PCDHA13: variants seen among roughly 807,000 people sequenced by gnomAD.
The protein encoded by PCDHA13 is protocadherin alpha 13.
In PCDHA13, 54 loss-of-function variants were observed where a neutral mutation model predicts 64.8. That is an observed-to-expected ratio of 0.83 (90% CI 0.67 to 1.04). The LOEUF (loss-of-function observed/expected upper bound fraction) is 1.04. Ranked by LOEUF, PCDHA13 falls within the 50% of genes least tolerant of loss-of-function variation. The pLI, the probability that PCDHA13 is intolerant of heterozygous loss-of-function variation, is 0.00. For synonymous variants in PCDHA13, 587 were observed against 564.4 expected (o/e 1.04, Z -0.57); for missense variants, 1,248 against 1,254.3 (o/e 0.99, Z 0.08).
chr5:140,928,148 A>G (rs1228039818), intron 1 of PCDHA13: 1 of 1,614,054 alleles, frequency 6.2e-7, no homozygotes, highest in African/African-American at 1.3e-5. Context: ...ACGGCCTCAG[A>G]TAGTGGCTCA....
chr5:141,008,284 GC>G (rs2098367825), intron 3 of PCDHA13, among the ~76,000 whole-genome samples: 1 of 152,150 alleles, frequency 6.6e-6, no homozygotes, highest in Admixed American at 6.5e-5. Context: ...AATTGAAATA[GC>G]AGTTGTACCC....
chr5:140,882,189 T>C lies in PCDHA13; in HGVS notation c.-80T>C. ...CGAATCCTTCCGCACTAGGAAGCCATAAAAATTGGGCCTTGAGAGACAGTT... is the reference window on the plus strand; with the variant it reads ...CGAATCCTTCCGCACTAGGAAGCCACAAAAATTGGGCCTTGAGAGACAGTT... On this transcript the variant is annotated 5_prime_UTR_variant, in exon 1 of 4. Transcript: ENST00000289272. 1.3e-6 allele frequency: 2 copies of C among 1,519,304 alleles called. No individual in the cohort carries two copies. The highest frequency in any genetic ancestry group is 2.2e-5 in the Admixed American group (1 of 45,204). 94.1% of individuals were successfully genotyped at this position (1,519,304 alleles called of 1,614,324 possible).
chr5:140,884,479 C>T lies in PCDHA13; in HGVS notation c.2211C>T (p.Pro737=). The T allele has an allele frequency of 6.2e-7, 1 of 1,613,914 alleles. No individual in the cohort carries two copies. Among genetic ancestry groups the T allele is most frequent in the Non-Finnish European group, 8.5e-7 (1 of 1,179,906 alleles). Residue 737 remains proline (P), a synonymous_variant, in exon 1 of 4, where the codon CCC becomes CCT. Transcript: ENST00000289272. ...PTEGACAPGK[P]TLVCSSAAGS... ...AGGGCGCGTGCGCGCCGGGCAAGCC[C>T]ACTCTAGTGTGCTCCAGCGCGGCAG... is the stretch of plus-strand genomic sequence containing the variant.
At chr5:140,889,169 G>A (rs2062128594) in intron 1 of PCDHA13, among the ~76,000 whole-genome samples, 1 of 151,182 alleles carries the variant, frequency 6.6e-6, no homozygotes, top group African/African-American at 2.4e-5. Flanking sequence ...AAGTATTCAA[G>A]TTATAAATAA....
intron 3 of PCDHA13, among the ~76,000 whole-genome samples, chr5:141,007,375 A>G (rs2098319986): frequency 6.8e-6 from 1 of 146,418 alleles, no homozygotes; most frequent in Non-Finnish European, 1.5e-5. Context: ...ACATGATGGA[A>G]CACCATCTCT....
intron 3 of PCDHA13, among the ~76,000 whole-genome samples, chr5:141,006,406 G>T (rs553100919): frequency 6.6e-6 from 1 of 151,932 alleles, no homozygotes; most frequent in African/African-American, 2.4e-5. Flanking sequence ...GTAGAGACGC[G>T]GTTTCACTGT....
At chr5:140,905,360 T>C (rs2071771480) in intron 1 of PCDHA13, among the ~76,000 whole-genome samples, 2 of 152,238 alleles carry the variant, frequency 1.3e-5, no homozygotes, top group Non-Finnish European at 2.9e-5. Context: ...TTTGACTATA[T>C]TTCTGGTTCT....
chr5:140,884,397 T>C lies in PCDHA13; in HGVS notation c.2129T>C (p.Leu710Pro). 1 of 1,613,992 alleles carries C rather than the reference T, an allele frequency of 6.2e-7. No individual in the cohort carries two copies. The highest frequency in any genetic ancestry group is 1.1e-5 in the South Asian group (1 of 91,086). The change falls in exon 1 of 4, where the codon CTG becomes CCG. Residue 710 changes from leucine (L) to proline (P), a missense_variant. By Grantham distance (98) the Leu-to-Pro change is moderately conservative. Coordinates refer to ENST00000289272, the MANE Select transcript of PCDHA13 (RefSeq NM_018904.3). Reference sequence around the variant, plus strand: ...ATTGCCATCTGCGCGGTGTCCAGCCTGTTGGTGCTCACGTTGCTGCTGTAT... The same window carrying C: ...ATTGCCATCTGCGCGGTGTCCAGCCCGTTGGTGCTCACGTTGCTGCTGTAT... ...LIIAICAVSS[L>P]LVLTLLLYTA...
At chr5:140,892,350 T>C (rs1195187313) in intron 1 of PCDHA13, among the ~76,000 whole-genome samples, 1 of 152,262 alleles carries the variant, frequency 6.6e-6, no homozygotes, top group Non-Finnish European at 1.5e-5. Context: ...AATTGACTTT[T>C]GCCAGGCATC....
At chr5:140,963,517 T>C (rs2095769422) in intron 1 of PCDHA13, among the ~76,000 whole-genome samples, 1 of 152,238 alleles carries the variant, frequency 6.6e-6, no homozygotes, top group East Asian at 1.9e-4. Flanking sequence ...GGGGTTCTCA[T>C]AACAGAAGTC....
intron 1 of PCDHA13, among the ~76,000 whole-genome samples, chr5:140,947,710 A>G (rs2094165762): frequency 6.6e-6 from 1 of 151,556 alleles, no homozygotes; most frequent in African/African-American, 2.4e-5. Context: ...TTAAGTATTG[A>G]GGTTTCAAAA....
At chr5:140,987,938 C>G (rs2153869339) in intron 3 of PCDHA13, among the ~76,000 whole-genome samples, 1 of 152,208 alleles carries the variant, frequency 6.6e-6, no homozygotes, top group East Asian at 1.9e-4. Context: ...AGGATTCTTA[C>G]CTGTCTGACA....
At chr5:140,926,340 C>G (rs2083154977) in intron 1 of PCDHA13, 1 of 152,400 alleles carries the variant, frequency 6.6e-6, no homozygotes, top group Non-Finnish European at 1.5e-5. Flanking sequence ...GCGCCGGGAC[C>G]CGACGCGCGG....
chr5:141,010,089 G>T lies in PCDHA13; in HGVS notation c.*152G>T. On this transcript the variant is annotated 3_prime_UTR_variant, in exon 4 of 4. Coordinates refer to ENST00000289272, the MANE Select transcript of PCDHA13 (RefSeq NM_018904.3). The stretch of plus-strand genomic sequence containing the variant: ...AAAGTTCCCTGTGTCTGTCTAGAAC[G>T]CATTTAACAGGTTTTGTCGTAAAAG... 2 of 1,612,296 alleles carry T rather than the reference G, an allele frequency of 1.2e-6. No individual in the cohort carries two copies. Among genetic ancestry groups the T allele is most frequent in the East Asian group, 2.2e-5 (1 of 44,872 alleles).
intron 1 of PCDHA13, among the ~76,000 whole-genome samples, chr5:140,965,863 A>T (rs1275095146): frequency 6.6e-6 from 1 of 152,218 alleles, no homozygotes; most frequent in Non-Finnish European, 1.5e-5. Flanking sequence ...ACTGAAAATA[A>T]GGGCCACTTG....
chr5:140,892,952 AT>A (rs1327610333), intron 1 of PCDHA13, among the ~76,000 whole-genome samples: 1 of 152,154 alleles, frequency 6.6e-6, no homozygotes, highest in African/African-American at 2.4e-5. Context: ...TACTACTTCC[AT>A]GAGCTCAATA....
chr5:140,887,537 C>T (rs530539711), intron 1 of PCDHA13, among the ~76,000 whole-genome samples: 5 of 152,250 alleles, frequency 3.3e-5, no homozygotes, highest in Admixed American at 1.3e-4. Context: ...TTCCTCTCCC[C>T]ACCCCTCATG....
At chr5:141,006,368 C>A (rs1395158727) in intron 3 of PCDHA13, among the ~76,000 whole-genome samples, 1 of 151,954 alleles carries the variant, frequency 6.6e-6, no homozygotes, top group Non-Finnish European at 1.5e-5. Flanking sequence ...CCCACCACCA[C>A]GCCCGGCTAA....
rs868925922 is a variant in PCDHA13 at position 140,882,174 on chromosome 5, C to A, written c.-95C>A. On this transcript the variant is annotated 5_prime_UTR_variant, in exon 1 of 4. Coordinates refer to ENST00000289272, the MANE Select transcript of PCDHA13 (RefSeq NM_018904.3). ...GCGGAATACCTCTTGCGAATCCTTC[C>A]GCACTAGGAAGCCATAAAAATTGGG... 1 of 1,514,752 alleles carries A rather than the reference C, an allele frequency of 6.6e-7. No homozygotes were observed. Among genetic ancestry groups the A allele is most frequent in the Non-Finnish European group, 8.8e-7 (1 of 1,132,462 alleles). The allele number at this position is 1,514,752 out of a possible 1,614,324, so 93.8% of individuals were successfully genotyped here.
Sources: allele counts gnomAD v4.1 joint callset (sites outside exome capture counted in the v4.1 genomes callset), GRCh38; gene constraint gnomAD v4.1.1; transcripts MANE v1.5; gene names NCBI Gene and HGNC (gene_info 2026-07-23, HGNC 2026-07-21).